The following GAREM1 variants were observed in gnomAD, a reference collection of about 807,000 sequenced individuals.
GAREM1 encodes GRB2 associated regulator of MAPK1 subtype 1.
A neutral mutation model predicts 71.3 loss-of-function variants in GAREM1; 26 were observed. The ratio of observed to expected loss-of-function variants is 0.36; its 90% CI spans 0.27 to 0.51. The LOEUF (loss-of-function observed/expected upper bound fraction) is 0.51. Among genes scored for constraint, GAREM1 ranks in the 20% least tolerant of loss-of-function variants. The probability of loss-of-function intolerance (pLI) is 0.95; values close to 1 mark genes in which losing one functional copy is unlikely to be tolerated. For missense variants in GAREM1, 1,026 were observed against 1,103.1 expected (o/e 0.93, Z 0.99); for synonymous variants, 440 against 433.2 (o/e 1.02, Z -0.20).
chr18:32,426,167 C>T (rs781095702), intron 1 of GAREM1, among the ~76,000 whole-genome samples: 1 of 151,778 alleles, frequency 6.6e-6, no homozygotes, highest in Non-Finnish European at 1.5e-5. Flanking sequence ...TACAAGCACA[C>T]GCCACCACGC....
intron 3 of GAREM1, among the ~76,000 whole-genome samples, chr18:32,305,473 G>A (rs905837933): frequency 6.6e-6 from 1 of 152,000 alleles, no homozygotes; most frequent in African/African-American, 2.4e-5. Context: ...AGTTCTCATT[G>A]GGGCTACACT....
intron 1 of GAREM1, among the ~76,000 whole-genome samples, chr18:32,408,841 C>G (rs2048389550): frequency 6.6e-6 from 1 of 152,134 alleles, no homozygotes; most frequent in South Asian, 2.1e-4. Flanking sequence ...TTGTATCCCT[C>G]AAAATATTTT....
chr18:32,287,449 A>G lies in GAREM1; in HGVS notation c.1148T>C (p.Phe383Ser). 6.2e-7 allele frequency: 1 copy of G among 1,614,158 alleles called. No individual in the cohort carries two copies. Among genetic ancestry groups the G allele is most frequent in the East Asian group, 2.2e-5 (1 of 44,872 alleles). The part of the protein sequence containing the change: ...SYARDELTQS[F>S]HRLSVCVYGN... ...ATACACACAGACCGAGAGTCGGTGGAAGGACTGGGTGAGCTCATCGCGGGC... is the reference window on the plus strand; with the variant it reads ...ATACACACAGACCGAGAGTCGGTGGGAGGACTGGGTGAGCTCATCGCGGGC... The change falls in exon 4 of 6, where the codon TTC becomes TCC. Residue 383 changes from phenylalanine (F) to serine (S), a missense_variant. By Grantham distance (155) the Phe-to-Ser change is radical. Coordinates refer to ENST00000269209, the MANE Select transcript of GAREM1 (RefSeq NM_001242409.2). This position sits in a 1 kb window ranked among gnomAD's most constrained non-coding sequence, Gnocchi z 5.9.
At chr18:32,462,772 T>G (rs1044930850) in intron 1 of GAREM1, among the ~76,000 whole-genome samples, 1 of 152,186 alleles carries the variant, frequency 6.6e-6, no homozygotes, top group African/African-American at 2.4e-5. Flanking sequence ...TTTAATCCAT[T>G]TTGAGTTGAT....
intron 1 of GAREM1, among the ~76,000 whole-genome samples, chr18:32,462,433 T>G (rs1468238465): frequency 1.3e-5 from 2 of 152,338 alleles, no homozygotes; most frequent in African/African-American, 4.8e-5. Flanking sequence ...AAATGCCTAT[T>G]AAGGTGTTTT....
chr18:32,461,649 C>T (rs746434450), intron 1 of GAREM1, among the ~76,000 whole-genome samples: 2 of 152,008 alleles, frequency 1.3e-5, no homozygotes, highest in East Asian at 1.9e-4. Context: ...GAGCAATGAT[C>T]GCACCACTGC....
chr18:32,310,485 A>G (rs628733), intron 2 of GAREM1, among the ~76,000 whole-genome samples, 162 bp from the exon 3 acceptor site: 25,164 of 152,126 alleles, frequency 0.17, 2,302 homozygotes, highest in African/African-American at 0.24. Flanking sequence ...CCATTAAACT[A>G]GAAGATAGAT....
At position 32,287,468 on chromosome 18, in the gene GAREM1, C is replaced by T. The variant is rs200658176; in HGVS notation, c.1129G>A (p.Asp377Asn). 39 of 1,614,166 alleles carry T rather than the reference C, an allele frequency of 2.4e-5. No individual in the cohort carries two copies. Among genetic ancestry groups the T allele is most frequent in the East Asian group, 1.6e-4 (7 of 44,874 alleles). ...CGGTGGAAGGACTGGGTGAGCTCAT[C>T]GCGGGCGTAGCTGAGCGAATTGGGC... is the stretch of plus-strand genomic sequence containing the variant. Reference protein sequence around the residue: ...HVPNSLSYARDELTQSFHRLS... With the variant: ...HVPNSLSYARNELTQSFHRLS... Residue 377 changes from aspartate to asparagine, a missense_variant, in exon 4 of 6, where the codon GAT (aspartate) becomes AAT (asparagine). By Grantham distance (23) the Asp-to-Asn change is conservative. Coordinates refer to ENST00000269209, the MANE Select transcript of GAREM1 (RefSeq NM_001242409.2). The surrounding 1 kb of genome is among the most constrained non-coding windows in gnomAD (Gnocchi z 5.9).
At chr18:32,457,226 A>AGAGTGTGTGTGT (rs1555648709) in intron 1 of GAREM1, among the ~76,000 whole-genome samples, 23 of 81,982 alleles carry the variant, frequency 2.8e-4, no homozygotes, top group African/African-American at 8.3e-4. Flanking sequence ...AGAGAGAGAG[A>AGAGTGTGTGTGT]GTGTGTGTGT....
chr18:32,302,880 C>G (rs985134379), intron 3 of GAREM1, among the ~76,000 whole-genome samples: 8 of 152,208 alleles, frequency 5.3e-5, no homozygotes, highest in African/African-American at 1.9e-4. Context: ...AAATCCTTCT[C>G]CCCACATTAC....
intron 3 of GAREM1, among the ~76,000 whole-genome samples, chr18:32,290,817 T>G (rs1426986108): frequency 6.6e-6 from 1 of 152,066 alleles, no homozygotes; most frequent in Non-Finnish European, 1.5e-5. Context: ...GATTAAAAAT[T>G]CAGAAGCTTG....
chr18:32,270,478 A>C, intron 4 of GAREM1, 95 bp from the exon 5 acceptor site: 1 of 1,026,750 alleles, frequency 9.7e-7, no homozygotes, highest in Non-Finnish European at 1.4e-6. Flanking sequence ...CACACTCTTA[A>C]ACCGTAACAG....
At chr18:32,394,957 AC>A (rs1219357714) in intron 1 of GAREM1, among the ~76,000 whole-genome samples, 2 of 152,206 alleles carry the variant, frequency 1.3e-5, no homozygotes, top group African/African-American at 2.4e-5. Flanking sequence ...AGTGTGTAGC[AC>A]CAGTTCTAGC....
chr18:32,421,853 G>C (rs2048522427), intron 1 of GAREM1, among the ~76,000 whole-genome samples: 1 of 151,982 alleles, frequency 6.6e-6, no homozygotes, highest in Non-Finnish European at 1.5e-5. Context: ...CTAGACACAA[G>C]TTACCTTTCC....
chr18:32,327,959 T>C (rs1427428599), intron 2 of GAREM1, among the ~76,000 whole-genome samples: 1 of 152,144 alleles, frequency 6.6e-6, no homozygotes, highest in African/African-American at 2.4e-5. Context: ...AAGATGCCTC[T>C]GATTCACAGT....
In GAREM1 at chr18:32,268,622, G is replaced by C. The variant is rs2041411667; in HGVS notation, c.1880C>G (p.Pro627Arg). Residue 627 changes from proline (P) to arginine (R), a missense_variant, in exon 6 of 6, where the codon CCT (proline) becomes CGT (arginine). Transcript: ENST00000269209. ...TTCTGATGCTCCTGAATAATGGTTA[G>C]GCCATGAGAGCCGAGAGGACACAGC... ...AEAVSSRLSW[P>R]NHYSGASESQ... 1 of 1,614,172 alleles carries C rather than the reference G, an allele frequency of 6.2e-7. No individual in the cohort carries two copies. The highest frequency in any genetic ancestry group is 1.3e-5 in the African/African-American group (1 of 75,038).
chr18:32,469,354 G>A (rs1346588928), intron 1 of GAREM1, among the ~76,000 whole-genome samples: 2 of 152,128 alleles, frequency 1.3e-5, no homozygotes, highest in African/African-American at 4.8e-5. Context: ...GCCTGGGCCC[G>A]TGTACTTCCA....
At chr18:32,446,445 A>G (rs765521874) in intron 1 of GAREM1, among the ~76,000 whole-genome samples, 5 of 152,180 alleles carry the variant, frequency 3.3e-5, no homozygotes, top group Non-Finnish European at 7.4e-5. Flanking sequence ...GCCCAATCCA[A>G]GACACTTCTG....
intron 1 of GAREM1, among the ~76,000 whole-genome samples, chr18:32,460,087 T>C (rs962665767): frequency 6.7e-6 from 1 of 149,744 alleles, no homozygotes; most frequent in Non-Finnish European, 1.5e-5. Context: ...TCCTAAAGTC[T>C]GATAATTGAG....
Sources: allele counts gnomAD v4.1 joint callset (sites outside exome capture counted in the v4.1 genomes callset), GRCh38; gene constraint gnomAD v4.1.1; non-coding constraint Gnocchi (gnomAD v3.1); transcripts MANE v1.5; gene names NCBI Gene and HGNC (gene_info 2026-07-23, HGNC 2026-07-21).